Variants in RNLS observed in about 807,000 individuals in gnomAD.
The protein encoded by RNLS is renalase.
RNLS carries 39 observed loss-of-function variants against 39.8 expected under a neutral mutation model. That is an observed-to-expected ratio of 0.98 (90% CI 0.76 to 1.28). RNLS has a LOEUF of 1.28. RNLS is among the 50% of genes most tolerant of loss of function. The pLI is 0.00. For missense variants in RNLS, 410 were observed against 413.3 expected (o/e 0.99, Z 0.07); for synonymous variants, 147 against 150.7 (o/e 0.98, Z 0.18).
intron 4 of RNLS, among the ~76,000 whole-genome samples, chr10:88,362,963 C>G (rs1564732072): frequency 6.6e-6 from 1 of 152,112 alleles, no homozygotes; most frequent in Non-Finnish European, 1.5e-5. Context: ...GAATGGCGTT[C>G]AAGGTTCTCA....
chr10:88,558,347 G>C (rs1848983601), intron 4 of RNLS, among the ~76,000 whole-genome samples: 1 of 152,116 alleles, frequency 6.6e-6, no homozygotes. Context: ...CTCATGAAGT[G>C]GTTGTGAAGG....
chr10:88,187,093 A>T, the RNLS span, among the ~76,000 whole-genome samples: 1 of 147,384 alleles, frequency 6.8e-6, no homozygotes, highest in Non-Finnish European at 1.5e-5. Flanking sequence ...CAGAAAGCCC[A>T]ATCTTTTGTA....
chr10:88,432,423 GT>G (rs1855188642), intron 4 of RNLS, among the ~76,000 whole-genome samples: 1 of 151,596 alleles, frequency 6.6e-6, no homozygotes, highest in Non-Finnish European at 1.5e-5. Context: ...AACAATCCTT[GT>G]TTTTTTATTG....
chr10:88,275,774 G>A (rs1449312109), intron 6 of RNLS, among the ~76,000 whole-genome samples: 1 of 152,188 alleles, frequency 6.6e-6, no homozygotes, highest in Non-Finnish European at 1.5e-5. Flanking sequence ...AGACATGTAA[G>A]TTGGGCACAA....
In RNLS at chr10:88,284,728, A is replaced by C. The variant is rs918763698; in HGVS notation, c.*626T>G. 5.1e-6 allele frequency: 5 copies of C among 985,260 alleles called. No individual in the cohort carries two copies. In the African/African-American group the frequency reaches 5.2e-5, roughly 10 times the overall value. 61.0% of individuals were successfully genotyped at this position (985,260 alleles called of 1,614,324 possible). A position where few individuals can be genotyped will look rare whatever the true frequency, so the allele number is the denominator to read the frequency against. On this transcript the variant is annotated 3_prime_UTR_variant, in exon 7 of 7. Transcript: ENST00000331772. Reference sequence around the variant, plus strand: ...AGTTAAAAAGTACTGTGTGGCTGGGAAAATCATGTGGAATCTTATACTTTC... The same window carrying C: ...AGTTAAAAAGTACTGTGTGGCTGGGCAAATCATGTGGAATCTTATACTTTC...
At chr10:88,172,849 T>G in the RNLS span, among the ~76,000 whole-genome samples, 1 of 43,470 alleles carries the variant, frequency 2.3e-5, no homozygotes, top group Non-Finnish European at 4.6e-5. Flanking sequence ...GTTGTTTTTT[T>G]TTTTTTTTTT....
At position 88,457,323 on chromosome 10, in the gene RNLS, G is replaced by A. The variant is rs191979560; in HGVS notation, c.527-94598C>T. Among the ~76,000 whole-genome samples the A allele has an allele frequency of 1.2e-3, 178 of 152,260 alleles. 1 individual carries two copies. Among genetic ancestry groups the A allele is most frequent in the African/African-American group, 4.2e-3 (173 of 41,530 alleles). ...TTTGGGGATATGTGTGGCTAAAGGA[G>A]GTAATAAAGTATAACAAGGTCACAG... On this transcript the variant is annotated intron_variant, in intron 4 of 6. Transcript: ENST00000331772.
At chr10:88,506,636 CAATT>C (rs1845810845) in intron 4 of RNLS, among the ~76,000 whole-genome samples, 1 of 151,708 alleles carries the variant, frequency 6.6e-6, no homozygotes, top group African/African-American at 2.4e-5. Flanking sequence ...ACAATGGTAA[CAATT>C]GATACATTAA....
chr10:88,540,803 C>CT (rs1847995335), intron 4 of RNLS, among the ~76,000 whole-genome samples: 1 of 151,990 alleles, frequency 6.6e-6, no homozygotes, highest in African/African-American at 2.4e-5. Flanking sequence ...AGGCATGCCA[C>CT]ATATAGTAGC....
chr10:88,253,223 G>A, the RNLS span, among the ~76,000 whole-genome samples: 1 of 152,188 alleles, frequency 6.6e-6, no homozygotes, highest in Non-Finnish European at 1.5e-5. Flanking sequence ...AGTCTCAGGG[G>A]TCTGTCTCTG....
chr10:88,376,820 AT>A (rs1564745834), intron 4 of RNLS, among the ~76,000 whole-genome samples: 1 of 152,146 alleles, frequency 6.6e-6, no homozygotes, highest in African/African-American at 2.4e-5. Context: ...AAAATCATAC[AT>A]TCACATTCAC....
intron 4 of RNLS, among the ~76,000 whole-genome samples, chr10:88,556,718 C>A (rs746334712): frequency 6.6e-6 from 1 of 152,094 alleles, no homozygotes; most frequent in Non-Finnish European, 1.5e-5. Context: ...TTTGGATATC[C>A]CTCCAGAGAT....
intron 4 of RNLS, among the ~76,000 whole-genome samples, chr10:88,540,105 A>G (rs1847964516): frequency 6.6e-6 from 1 of 152,152 alleles, no homozygotes; most frequent in Non-Finnish European, 1.5e-5. Flanking sequence ...TTGTTAACAC[A>G]TTTTTATAAC....
intron 4 of RNLS, among the ~76,000 whole-genome samples, chr10:88,491,957 G>GTTT (rs1248792392): frequency 7.7e-6 from 1 of 129,400 alleles, no homozygotes; most frequent in Non-Finnish European, 1.6e-5. Context: ...AAAGAGTTTT[G>GTTT]TTTTTTTTTT....
chr10:88,216,605 C>T, the RNLS span, among the ~76,000 whole-genome samples: 3 of 152,266 alleles, frequency 2.0e-5, no homozygotes, highest in East Asian at 3.9e-4. Flanking sequence ...CCTAAATTAA[C>T]GGCTGAAAGC....
intron 4 of RNLS, among the ~76,000 whole-genome samples, chr10:88,480,732 C>T (rs1478365587): frequency 1.3e-5 from 2 of 151,478 alleles, no homozygotes; most frequent in Non-Finnish European, 2.9e-5. Context: ...AAACCAAATT[C>T]ATACTTTTCT....
chr10:88,259,025 C>G, the RNLS span: 80 of 152,216 alleles, frequency 5.3e-4, 2 homozygotes, highest in Non-Finnish European at 1.5e-5. Context: ...TTAAATCATT[C>G]TGTAATTCTA....
At chr10:88,336,355 G>A (rs1847495182) in intron 5 of RNLS, among the ~76,000 whole-genome samples, 1 of 152,196 alleles carries the variant, frequency 6.6e-6, no homozygotes, top group Non-Finnish European at 1.5e-5. Context: ...TAATACGCAT[G>A]TATGTTTGTA....
intron 5 of RNLS, among the ~76,000 whole-genome samples, chr10:88,354,495 T>A (rs1424492756): frequency 1.3e-5 from 2 of 152,228 alleles, no homozygotes; most frequent in East Asian, 3.8e-4. Context: ...TGGCTGGATA[T>A]GAAATTCTGG....
Sources: gnomAD v4.1 joint callset for allele counts (sites outside exome capture counted in the v4.1 genomes callset) on GRCh38, gnomAD v4.1.1 for gene constraint, MANE v1.5 for transcripts, NCBI Gene and HGNC (gene_info 2026-07-23, HGNC 2026-07-21) for gene names.